Variants in ETS1 observed in about 807,000 individuals in gnomAD.
The protein encoded by ETS1 is protein C-ets-1.
ETS1 carries 15 observed loss-of-function variants against 58.6 expected under a neutral mutation model. That is an observed-to-expected ratio of 0.26 (90% CI 0.17 to 0.39). The LOEUF (loss-of-function observed/expected upper bound fraction) is 0.39, where lower values mean the gene tolerates loss of function less well. ETS1 is among the 10% of genes least tolerant of loss of function. ETS1 has a pLI of 1.00. For missense variants in ETS1, 417 were observed against 610.5 expected, an observed-to-expected ratio of 0.68 and a Z score of 3.34; for synonymous variants, 214 against 218.2, an observed-to-expected ratio of 0.98 and a Z score of 0.17.
chr11:128,486,032 T>C (rs767949895), intron 6 of ETS1, 37 bp downstream of exon 6: 3 of 1,305,690 alleles, frequency 2.3e-6, no homozygotes, highest in East Asian at 4.6e-5. Context: ...CCTAGTTTGC[T>C]ATTATCATGA....
At chr11:128,540,838 G>T (rs11221340) in intron 3 of ETS1, among the ~76,000 whole-genome samples, 5 of 152,184 alleles carry the variant, frequency 3.3e-5, no homozygotes, top group Non-Finnish European at 7.3e-5. Flanking sequence ...CTCTGAAAGC[G>T]GCAGGAAGGC....
chr11:128,467,166 C>A (rs370034898), intron 8 of ETS1, among the ~76,000 whole-genome samples: 1 of 152,146 alleles, frequency 6.6e-6, no homozygotes, highest in Admixed American at 6.5e-5. Flanking sequence ...CCAGGGTGGG[C>A]GCAGTTCCTG....
At chr11:128,578,012 CAA>C (rs1565417920) in intron 1 of ETS1, among the ~76,000 whole-genome samples, 1 of 151,824 alleles carries the variant, frequency 6.6e-6, no homozygotes, top group Non-Finnish European at 1.5e-5. Context: ...ATGGAGAAGA[CAA>C]AAAAGTCAAC....
intron 3 of ETS1, among the ~76,000 whole-genome samples, chr11:128,493,734 ATAAC>A (rs1338988015): frequency 6.6e-6 from 1 of 152,278 alleles, no homozygotes; most frequent in East Asian, 1.9e-4. Context: ...ACTCCCTTCT[ATAAC>A]TAAGTGAACA....
intron 3 of ETS1, among the ~76,000 whole-genome samples, chr11:128,499,945 T>C (rs184700472): frequency 6.7e-4 from 102 of 152,272 alleles, no homozygotes; most frequent in Middle Eastern, 6.8e-3. Flanking sequence ...CTGGAAGAGG[T>C]AAAGTTTTTC....
At chr11:128,503,675 C>T (rs1443476047) in intron 3 of ETS1, among the ~76,000 whole-genome samples, 2 of 152,162 alleles carry the variant, frequency 1.3e-5, no homozygotes, top group African/African-American at 4.8e-5. Flanking sequence ...TGACTCCTCC[C>T]CTATCCCCTG....
rs1279380294 is a variant in ETS1 at position 128,520,556 on chromosome 11, C to T, written c.215-29980G>A. 2.6e-5 allele frequency among the ~76,000 whole-genome samples: 4 copies of T among 152,336 alleles called. No individual in the cohort carries two copies. In the East Asian group the frequency reaches 7.7e-4, roughly 29 times the overall value. On this transcript the variant is annotated intron_variant, in intron 3 of 9. Transcript: ENST00000392668. ...AGCTTCCTCGAACCCCCAAACACAACCATCATAGAAACAGCATTTCTGAAT... is the reference window on the plus strand; with the variant it reads ...AGCTTCCTCGAACCCCCAAACACAATCATCATAGAAACAGCATTTCTGAAT...
rs983560488 is a variant in ETS1 at position 128,464,102 on chromosome 11, A to G, written c.1124-475T>C. Reference sequence around the variant, plus strand: ...TGTAGTAGGGAGCCTGTGGCCCCTGATTTGTGAGTAAGAAGGATCACTATC... The same window carrying G: ...TGTAGTAGGGAGCCTGTGGCCCCTGGTTTGTGAGTAAGAAGGATCACTATC... On this transcript the variant is annotated intron_variant, in intron 8 of 9. Transcript: ENST00000392668. This position sits in a 1 kb window ranked among gnomAD's most constrained non-coding sequence, Gnocchi z 4.1. Among the ~76,000 whole-genome samples, 1 of 152,084 alleles carries G rather than the reference A, an allele frequency of 6.6e-6. No homozygotes were observed. Among genetic ancestry groups the G allele is most frequent in the Non-Finnish European group, 1.5e-5 (1 of 68,014 alleles).
chr11:128,552,416 T>C (rs943713152), intron 3 of ETS1, among the ~76,000 whole-genome samples: 2 of 152,188 alleles, frequency 1.3e-5, no homozygotes, highest in South Asian at 4.1e-4. Flanking sequence ...TCAAAGACCA[T>C]GGTAATAAGA....
In ETS1 at chr11:128,477,357, A is replaced by G. The variant is rs564372264; in HGVS notation, c.1123+2834T>C. ...AATAAAATGTATTGCCAACAAGTCT[A>G]TACAATGATTTCTGCTTTCCAAAGT... On this transcript the variant is annotated intron_variant, in intron 8 of 9. Transcript: ENST00000392668. 2.0e-3 allele frequency among the ~76,000 whole-genome samples: 302 copies of G among 152,384 alleles called. 3 individuals carry two copies. The highest frequency in any genetic ancestry group is 1.8e-3 in the Non-Finnish European group (124 of 68,040).
intron 3 of ETS1, among the ~76,000 whole-genome samples, chr11:128,542,468 T>C (rs1279259496): frequency 1.3e-5 from 2 of 152,150 alleles, no homozygotes; most frequent in African/African-American, 4.8e-5. Flanking sequence ...ATCTGTTAAG[T>C]CAGGAATTTC....
chr11:128,547,977 CCT>C (rs2135548829), intron 3 of ETS1, among the ~76,000 whole-genome samples: 1 of 152,062 alleles, frequency 6.6e-6, no homozygotes, highest in South Asian at 2.1e-4. Flanking sequence ...TGACTGATGA[CCT>C]CTGTCCCATG....
At chr11:128,513,626 T>C (rs527683447) in intron 3 of ETS1, among the ~76,000 whole-genome samples, 3 of 152,368 alleles carry the variant, frequency 2.0e-5, no homozygotes, top group Admixed American at 2.0e-4. Context: ...GCATAAGGTA[T>C]GGAATTAACT....
Position 128,483,515 on chromosome 11 carries a change from C to T in ETS1, c.862+1308G>A, listed in dbSNP as rs560156125. ...ACTTGTGTGTATGTATTTAAATAGA[C>T]ATGCACCCAAAAATAAAAAAGAGCC... On this transcript the variant is annotated intron_variant, in intron 7 of 9. Coordinates refer to ENST00000392668, the MANE Select transcript of ETS1 (RefSeq NM_001143820.2). Among the ~76,000 whole-genome samples the T allele has an allele frequency of 3.3e-5, 5 of 152,300 alleles. No individual in the cohort carries two copies. In the East Asian group the frequency reaches 9.6e-4, roughly 29 times the overall value.
At chr11:128,575,214 T>C (rs1315635413) in intron 1 of ETS1, among the ~76,000 whole-genome samples, 1 of 152,232 alleles carries the variant, frequency 6.6e-6, no homozygotes, top group Admixed American at 6.5e-5. Flanking sequence ...GTTTAACTTA[T>C]ACATTAGACG....
intron 7 of ETS1, among the ~76,000 whole-genome samples, chr11:128,482,098 T>G (rs892358833): frequency 2.0e-5 from 3 of 152,180 alleles, no homozygotes; most frequent in African/African-American, 7.2e-5. Context: ...TAAAAATGAA[T>G]ATATATTTCT....
At chr11:128,585,033 AAAGAAAGAAAGAAAGAAAG>A (rs1864962525) in intron 1 of ETS1, among the ~76,000 whole-genome samples, 3 of 4,246 alleles carry the variant, frequency 7.1e-4, no homozygotes, top group African/African-American at 1.6e-3. Context: ...GAAAGAAAGA[AAAGAAAGAAAGAAAGAAAG>A]AAAGAAAGAA....
chr11:128,556,853 A>G (rs1017301220), intron 2 of ETS1, among the ~76,000 whole-genome samples: 1 of 152,204 alleles, frequency 6.6e-6, no homozygotes, highest in African/African-American at 2.4e-5. Context: ...AGTAAATGAT[A>G]CATGCCAAAG....
rs879460761 is a variant in ETS1, at chr11:128,585,331, GCAA to G, written c.-15+2154_-15+2156del. On this transcript the variant is annotated intron_variant, in intron 1 of 9. Transcript: ENST00000392668. ...AGGGAGGGAAGAAGGAAGGAAGGAA[GCAA>G]GGAAGGAAGGAAGCAAGGAAGGAAG... Among the ~76,000 whole-genome samples, 527 of 121,346 alleles carry G rather than the reference GCAA, an allele frequency of 4.3e-3. 7 individuals carry two copies. Among genetic ancestry groups the G allele is most frequent in the Non-Finnish European group, 6.1e-3 (338 of 55,590 alleles). 79.6% of individuals were successfully genotyped at this position (121,346 alleles called of 152,430 possible). A position where few individuals can be genotyped will look rare whatever the true frequency, so the allele number is the denominator to read the frequency against.
Sources: allele counts gnomAD v4.1 joint callset (sites outside exome capture counted in the v4.1 genomes callset), GRCh38; gene constraint gnomAD v4.1.1; non-coding constraint Gnocchi (gnomAD v3.1); transcripts MANE v1.5; gene names NCBI Gene and HGNC (gene_info 2026-07-23, HGNC 2026-07-21).